The following MYLK variants were observed in gnomAD, a reference collection of about 807,000 sequenced individuals.
MYLK encodes the protein myosin light chain kinase, also known as myosin light chain kinase, smooth muscle.
MYLK carries 106 observed loss-of-function variants against 203.4 expected under a neutral mutation model. The ratio of observed to expected loss-of-function variants is 0.52; its 90% confidence interval spans 0.45 to 0.61. The LOEUF (loss-of-function observed/expected upper bound fraction) is 0.61, where lower values mean the gene tolerates loss of function less well. Ranked by LOEUF, MYLK falls within the 20% of genes least tolerant of loss-of-function variation. The probability of loss-of-function intolerance (pLI) is 0.00; values close to 1 mark genes in which losing one functional copy is unlikely to be tolerated. For missense variants in MYLK, 2,072 were observed against 2,442.3 expected, an observed-to-expected ratio of 0.85 and a Z score of 3.20; for synonymous variants, 867 against 959.5, an observed-to-expected ratio of 0.90 and a Z score of 1.78.
chr3:123,856,907 G>A, intron 2 of MYLK, among the ~76,000 whole-genome samples: 1 of 151,678 alleles, frequency 6.6e-6, no homozygotes. Context: ...TCTGACAAAG[G>A]GCTAATATCC....
chr3:123,652,556 G>A (rs1292434258), intron 24 of MYLK, among the ~76,000 whole-genome samples: 2 of 152,182 alleles, frequency 1.3e-5, no homozygotes, highest in Non-Finnish European at 2.9e-5. Context: ...CCCCGGAGAC[G>A]GCCTCTGAGG....
chr3:123,767,108 C>A (rs1455067461), intron 4 of MYLK, among the ~76,000 whole-genome samples: 1 of 152,174 alleles, frequency 6.6e-6, no homozygotes, highest in Admixed American at 6.5e-5. Flanking sequence ...CTTTCCTTTC[C>A]TCCTCCCGCC....
intron 11 of MYLK, among the ~76,000 whole-genome samples, chr3:123,732,563 G>A (rs1044466970): frequency 1.4e-4 from 21 of 152,076 alleles, no homozygotes; most frequent in Non-Finnish European, 2.9e-5. Flanking sequence ...CTCTAAACCT[G>A]TATATTTAAT....
At chr3:123,735,457 G>A (rs373119107) in intron 8 of MYLK, 41 bp from the exon 9 acceptor site, 64 of 1,613,124 alleles carry the variant, frequency 4.0e-5, no homozygotes, top group African/African-American at 5.3e-5. Flanking sequence ...TTAGTAGAAT[G>A]CTGTATACAC....
At chr3:123,743,473 CA>C (rs1226944333) in intron 5 of MYLK, among the ~76,000 whole-genome samples, 1 of 151,916 alleles carries the variant, frequency 6.6e-6, no homozygotes, top group Non-Finnish European at 1.5e-5. Context: ...TTTGAAGTTG[CA>C]AATTGTTAGA....
intron 4 of MYLK, among the ~76,000 whole-genome samples, chr3:123,765,626 G>A (rs2063680072): frequency 6.6e-6 from 1 of 151,910 alleles, no homozygotes; most frequent in Admixed American, 6.6e-5. Context: ...GATAGTGGAA[G>A]CAACCCAAAT....
At chr3:123,708,354 T>C (rs2108639205) in intron 15 of MYLK, among the ~76,000 whole-genome samples, 1 of 152,314 alleles carries the variant, frequency 6.6e-6, no homozygotes, top group East Asian at 1.9e-4. Context: ...CTTAAATATG[T>C]TATCTAATGG....
Position 123,652,632 on chromosome 3 carries a change from T to C in MYLK, c.4289-3438A>G, listed in dbSNP as rs1257260185. Among the ~76,000 whole-genome samples the C allele has an allele frequency of 2.6e-5, 4 of 151,952 alleles. No homozygotes were observed. The East Asian group carries it at 7.7e-4, about 29-fold the overall frequency. Reference sequence around the variant, plus strand: ...TTTATATCTCGAACTGTCCTGGGGGTTGCAAGGAGGCTCCAGTTCTGCAAG... The same window carrying C: ...TTTATATCTCGAACTGTCCTGGGGGCTGCAAGGAGGCTCCAGTTCTGCAAG... On this transcript the variant is annotated intron_variant, in intron 24 of 33. Coordinates refer to ENST00000360304, the MANE Select transcript of MYLK (RefSeq NM_053025.4).
chr3:123,744,771 A>G (rs1458747871), intron 5 of MYLK, among the ~76,000 whole-genome samples: 1 of 152,190 alleles, frequency 6.6e-6, no homozygotes, highest in Non-Finnish European at 1.5e-5. Flanking sequence ...AAATAATGGA[A>G]ATACATAATT....
At chr3:123,820,378 G>A (rs2065881481) in intron 3 of MYLK, among the ~76,000 whole-genome samples, 1 of 152,144 alleles carries the variant, frequency 6.6e-6, no homozygotes, top group East Asian at 1.9e-4. Flanking sequence ...TTATGGAAAT[G>A]CCTAATATAA....
chr3:123,881,360 A>C (rs1408145222), intron 1 of MYLK, among the ~76,000 whole-genome samples: 1 of 152,134 alleles, frequency 6.6e-6, no homozygotes, highest in Non-Finnish European at 1.5e-5. Context: ...TCTGCTGGCC[A>C]AGTTGAGCGA....
At chr3:123,756,482 C>A (rs1455419150) in intron 4 of MYLK, among the ~76,000 whole-genome samples, 1 of 152,224 alleles carries the variant, frequency 6.6e-6, no homozygotes, top group Non-Finnish European at 1.5e-5. Context: ...GGTGTCCTAG[C>A]TTTCTTGGGT....
At chr3:123,785,116 T>A (rs529204154) in intron 4 of MYLK, among the ~76,000 whole-genome samples, 2 of 152,224 alleles carry the variant, frequency 1.3e-5, no homozygotes, top group Non-Finnish European at 2.9e-5. Context: ...CCTCACCCCT[T>A]AACTGTTCTG....
At chr3:123,796,094 T>C (rs2064975853) in intron 3 of MYLK, among the ~76,000 whole-genome samples, 4 of 152,188 alleles carry the variant, frequency 2.6e-5, no homozygotes. Context: ...ATGGTAAGAC[T>C]CACAGGTTCC....
At chr3:123,726,319 C>T (rs894058030) in intron 11 of MYLK, among the ~76,000 whole-genome samples, 1 of 152,188 alleles carries the variant, frequency 6.6e-6, no homozygotes, top group Non-Finnish European at 1.5e-5. Context: ...CACCCTAGCC[C>T]TGGGGTGCTT....
chr3:123,740,751 G>A (rs570416815), intron 5 of MYLK, among the ~76,000 whole-genome samples: 59 of 152,330 alleles, frequency 3.9e-4, no homozygotes, highest in Admixed American at 3.1e-3. Flanking sequence ...TGGGCAAGGC[G>A]CTGCTATGCT....
At chr3:123,778,443 G>A (rs901282720) in intron 4 of MYLK, among the ~76,000 whole-genome samples, 2 of 151,544 alleles carry the variant, frequency 1.3e-5, no homozygotes, top group Non-Finnish European at 2.9e-5. Flanking sequence ...AACCCGGGAG[G>A]TGGAGCTTGC....
At chr3:123,738,565 C>T (rs1231588327) in intron 7 of MYLK, among the ~76,000 whole-genome samples, 2 of 152,126 alleles carry the variant, frequency 1.3e-5, no homozygotes, top group Non-Finnish European at 2.9e-5. Flanking sequence ...ATAATTCCCA[C>T]GTGTTGTGGG....
chr3:123,638,644 G>C (rs1300041011), intron 28 of MYLK: 2 of 562,716 alleles, frequency 3.6e-6, no homozygotes, highest in African/African-American at 4.1e-5. Context: ...GTGAGGCCCA[G>C]GGAAGTGCAG....
Sources: allele counts gnomAD v4.1 joint callset (sites outside exome capture counted in the v4.1 genomes callset), GRCh38; gene constraint gnomAD v4.1.1; transcripts MANE v1.5; gene names NCBI Gene and HGNC (gene_info 2026-07-23, HGNC 2026-07-21).